The following BPTF variants were observed in gnomAD, a reference collection of about 807,000 sequenced individuals.
BPTF encodes the protein bromodomain PHD finger transcription factor.
Under a neutral mutation model 292.5 loss-of-function variants are expected in BPTF, and 18 were observed. The observed-to-expected ratio is 0.06, with a 90% CI of 0.04 to 0.09. The LOEUF is 0.09. Ranked by LOEUF, BPTF falls within the 10% of genes least tolerant of loss-of-function variation. The pLI, the probability that BPTF is intolerant of heterozygous loss-of-function variation, is 1.00. For missense variants in BPTF, 2,726 were observed against 3,498.7 expected (o/e 0.78, Z 5.57); for synonymous variants, 1,225 against 1,251.9 (o/e 0.98, Z 0.45).
intron 1 of BPTF, among the ~76,000 whole-genome samples, chr17:67,844,250 A>ATT (rs1184073796): frequency 7.6e-6 from 1 of 131,802 alleles, no homozygotes; most frequent in Non-Finnish European, 1.7e-5. Flanking sequence ...TGTCTGGCGA[A>ATT]TTTTTTTTTT....
chr17:67,930,145 A>T (rs1212543097), intron 17 of BPTF, among the ~76,000 whole-genome samples: 3 of 152,098 alleles, frequency 2.0e-5, no homozygotes, highest in Admixed American at 2.0e-4. Flanking sequence ...TTAAAAAGTA[A>T]TCTACAGTAC....
chr17:67,888,038 G>A (rs893427623), intron 4 of BPTF, among the ~76,000 whole-genome samples: 1 of 152,186 alleles, frequency 6.6e-6, no homozygotes, highest in African/African-American at 2.4e-5. Flanking sequence ...AAGTTGGGTA[G>A]GAATGGTTTT....
At chr17:67,868,226 T>C (rs2059502387) in intron 3 of BPTF, among the ~76,000 whole-genome samples, 1 of 152,172 alleles carries the variant, frequency 6.6e-6, no homozygotes, top group Non-Finnish European at 1.5e-5. Flanking sequence ...CTGTGAAAAA[T>C]GAATCTCTCT....
intron 17 of BPTF, among the ~76,000 whole-genome samples, chr17:67,931,476 A>AAAATAAAT (rs901523648): frequency 6.6e-6 from 1 of 152,176 alleles, no homozygotes; most frequent in African/African-American, 2.4e-5. Flanking sequence ...CCCTGTCTTT[A>AAAATAAAT]AAATAAATAA....
intron 23 of BPTF, among the ~76,000 whole-genome samples, chr17:67,952,975 T>A (rs1598879871): frequency 6.6e-6 from 1 of 152,230 alleles, no homozygotes; most frequent in Non-Finnish European, 1.5e-5. Context: ...TTACTTTTTT[T>A]TTCGAGATAG....
At chr17:67,853,115 G>A (rs1033321639) in intron 1 of BPTF, among the ~76,000 whole-genome samples, 23 of 152,308 alleles carry the variant, frequency 1.5e-4, no homozygotes, top group African/African-American at 5.5e-4. Context: ...CAGCCTAGGC[G>A]ACGGCTGTAG....
intron 24 of BPTF, among the ~76,000 whole-genome samples, chr17:67,962,647 T>C (rs1555684700): frequency 6.6e-6 from 1 of 152,246 alleles, no homozygotes; most frequent in African/African-American, 2.4e-5. Flanking sequence ...TCACAAACAT[T>C]ATATTAACAG....
At position 67,904,800 on chromosome 17, in the gene BPTF, A is replaced by G. The variant is rs2146675771; in HGVS notation, c.2772A>G (p.Pro924=). 3 of 1,613,278 alleles carry G rather than the reference A, an allele frequency of 1.9e-6. No homozygotes were observed. Among genetic ancestry groups the G allele is most frequent in the East Asian group, 4.5e-5 (2 of 44,802 alleles). The change falls in exon 9 of 28, where the codon CCA becomes CCG. Residue 924 remains proline, a synonymous_variant. Coordinates refer to ENST00000306378, the MANE Select transcript of BPTF (RefSeq NM_182641.4). The part of the protein sequence containing the change: ...THVYRFVPKL[P]GNTNVNYRKS... ...TTTATAGGTTTGTTCCTAAATTGCC[A>G]GGCAATACTAATGTGAATTACAGAA...
intron 4 of BPTF, among the ~76,000 whole-genome samples, chr17:67,885,888 G>A (rs549852276): frequency 6.6e-6 from 1 of 151,900 alleles, no homozygotes; most frequent in South Asian, 2.1e-4. Flanking sequence ...ATACGAGTCA[G>A]TGAGTTAGAG....
chr17:67,911,908 A>C lies in BPTF; in HGVS notation c.4024A>C (p.Thr1342Pro). ...LKCELVSGES[T>P]GNCEDRLPVK... The stretch of plus-strand genomic sequence containing the variant: ...GTGTGAGTTGGTTTCTGGTGAGTCC[A>C]CTGGAAACTGTGAGGACAGGCTGCC... Residue 1342 changes from threonine to proline, a missense_variant, in exon 11 of 28, where the codon ACT becomes CCT. Around this residue, in one of 22 missense-constraint regions of BPTF, gnomAD observed 713 missense variants for 714.9 expected, o/e 1.00. Coordinates refer to ENST00000306378, the MANE Select transcript of BPTF (RefSeq NM_182641.4). The C allele has an allele frequency of 6.2e-7, 1 of 1,614,098 alleles. No homozygotes were observed. The highest frequency in any genetic ancestry group is 8.5e-7 in the Non-Finnish European group (1 of 1,180,030).
At chr17:67,920,323 C>T (rs1449266726) in intron 13 of BPTF, among the ~76,000 whole-genome samples, 180 bp downstream of exon 13, 1 of 152,192 alleles carries the variant, frequency 6.6e-6, no homozygotes, top group African/African-American at 2.4e-5. Context: ...AGACACACAT[C>T]GATGCCTATA....
At chr17:67,881,492 T>TTTG (rs1567968942) in intron 4 of BPTF, among the ~76,000 whole-genome samples, 1 of 362 alleles carries the variant, frequency 2.8e-3, no homozygotes. Context: ...ATAATCAAGG[T>TTTG]TTTTTTTTTT....
chr17:67,866,341 T>A (rs1297952255), intron 2 of BPTF, 123 bp from the exon 3 acceptor site: 1 of 721,062 alleles, frequency 1.4e-6, no homozygotes, highest in African/African-American at 1.8e-5. Flanking sequence ...AGGGTTTTCT[T>A]GTGAGCGCCT....
At chr17:67,847,346 C>A (rs1029577867) in intron 1 of BPTF, among the ~76,000 whole-genome samples, 21 of 151,966 alleles carry the variant, frequency 1.4e-4, no homozygotes, top group Non-Finnish European at 4.4e-5. Flanking sequence ...GAAACCCCAT[C>A]TCTACTAAAA....
chr17:67,970,899 C>G (rs2068683995), intron 26 of BPTF, among the ~76,000 whole-genome samples: 1 of 152,140 alleles, frequency 6.6e-6, no homozygotes, highest in Admixed American at 6.6e-5. Flanking sequence ...ATACATCTGC[C>G]TGTACTTGTT....
chr17:67,913,002 A>G lies in BPTF; in HGVS notation c.5118A>G (p.Pro1706=). 2.5e-6 allele frequency: 4 copies of G among 1,614,248 alleles called. No homozygotes were observed. Among genetic ancestry groups the G allele is most frequent in the Non-Finnish European group, 3.4e-6 (4 of 1,180,040 alleles). Residue 1706 remains proline (P), a synonymous_variant, in exon 11 of 28, where the codon CCA becomes CCG. Coordinates refer to ENST00000306378, the MANE Select transcript of BPTF (RefSeq NM_182641.4). The stretch of plus-strand genomic sequence containing the variant: ...AGACTCGTTCAGGTACAGCTCTGCC[A>G]TCCTATAGAAAATTTGTTACCAAGA... ...PKKTRSGTAL[P]SYRKFVTKSS... is the part of the protein sequence containing the mutation.
chr17:67,939,330 A>G (rs1422282558), intron 18 of BPTF, among the ~76,000 whole-genome samples: 1 of 152,262 alleles, frequency 6.6e-6, no homozygotes, highest in Non-Finnish European at 1.5e-5. Flanking sequence ...GTGTATCCAC[A>G]GATGGAAAAA....
rs759624823 is a variant in BPTF, at chr17:67,911,198, C to T, written c.3314C>T (p.Ser1105Leu). ...AATTCTTCAAAAAATCTCTCTGAAT[C>T]ACCAGTAATAACGAAAGCAAAAGAA... is the stretch of plus-strand genomic sequence containing the variant. ...STNSSKNLSE[S>L]PVITKAKEGC... Residue 1105 changes from serine to leucine, a missense_variant, in exon 11 of 28, where the codon TCA (serine) becomes TTA (leucine). Physicochemically the swap from Ser to Leu is moderately radical, Grantham distance 145 (BLOSUM62 -2). Transcript: ENST00000306378. The T allele has an allele frequency of 6.2e-7, 1 of 1,613,776 alleles. No individual in the cohort carries two copies. Among genetic ancestry groups the T allele is most frequent in the South Asian group, 1.1e-5 (1 of 91,046 alleles).
chr17:67,891,112 G>T (rs980977674), intron 4 of BPTF, among the ~76,000 whole-genome samples: 21 of 152,054 alleles, frequency 1.4e-4, no homozygotes, highest in African/African-American at 4.8e-4. Context: ...GAGCCTGGGG[G>T]TTGAGGCTGA....
Sources: gnomAD v4.1 joint callset for allele counts (sites outside exome capture counted in the v4.1 genomes callset) on GRCh38, gnomAD v4.1.1 for gene constraint, gnomAD v4.1.1 regional missense constraint, MANE v1.5 for transcripts, NCBI Gene and HGNC (gene_info 2026-07-23, HGNC 2026-07-21) for gene names.